SVOP: variants seen among roughly 807,000 people sequenced by gnomAD.
SVOP encodes the protein synaptic vesicle 2-related protein.
SVOP carries 17 observed loss-of-function variants against 69.1 expected under a neutral mutation model. The ratio of observed to expected loss-of-function variants is 0.25; its 90% CI spans 0.17 to 0.37. The LOEUF is 0.37. Ranked by LOEUF, SVOP falls within the 10% of genes least tolerant of loss-of-function variation. The pLI is 1.00. For synonymous variants in SVOP, 238 were observed against 238.6 expected, an observed-to-expected ratio of 1.00 and a Z score of 0.02; for missense variants, 435 against 597.5, an observed-to-expected ratio of 0.73 and a Z score of 2.84.
chr12:108,956,932 G>T (rs2039988774), intron 6 of SVOP, among the ~76,000 whole-genome samples: 1 of 152,190 alleles, frequency 6.6e-6, no homozygotes, highest in Non-Finnish European at 1.5e-5. Context: ...TGTCCTCCAG[G>T]ACACAATACC....
intron 1 of SVOP, among the ~76,000 whole-genome samples, chr12:109,008,076 AGGCTG>A (rs2135628431): frequency 6.6e-6 from 1 of 152,160 alleles, no homozygotes; most frequent in Admixed American, 6.5e-5. Context: ...AACTAAGCTG[AGGCTG>A]GAGAGGTTAC....
Position 108,914,128 on chromosome 12 carries a change from T to A in SVOP, c.1441-1387A>T, listed in dbSNP as rs569077912. On this transcript the variant is annotated intron_variant, in intron 15 of 15. Transcript: ENST00000610966. ...CACTTGGCTAAACACGTCTTTAAATTCCATTTCTCTGCAATATTCAGACTT... is the reference window on the plus strand; with the variant it reads ...CACTTGGCTAAACACGTCTTTAAATACCATTTCTCTGCAATATTCAGACTT... 3.3e-5 allele frequency among the ~76,000 whole-genome samples: 5 copies of A among 152,304 alleles called. No individual in the cohort carries two copies. The East Asian group carries it at 9.6e-4, about 29-fold the overall frequency.
intron 1 of SVOP, among the ~76,000 whole-genome samples, chr12:108,991,919 T>C (rs150144697): frequency 0.037 from 5,641 of 152,138 alleles, 648 homozygotes; most frequent in Admixed American, 0.22. Flanking sequence ...GCACCTAGCC[T>C]GGACAACAGA....
intron 1 of SVOP, among the ~76,000 whole-genome samples, chr12:109,010,707 T>C (rs1426495458): frequency 6.6e-6 from 1 of 152,048 alleles, no homozygotes; most frequent in African/African-American, 2.4e-5. Context: ...CTTGCTATGT[T>C]GCCCAGGCTG....
intron 14 of SVOP, among the ~76,000 whole-genome samples, chr12:108,917,636 C>T (rs549577220): frequency 2.0e-5 from 3 of 148,606 alleles, no homozygotes; most frequent in Middle Eastern, 3.4e-3. Flanking sequence ...ACATAGACAT[C>T]CACCTCATTC....
chr12:108,945,339 T>C (rs1219615741), intron 6 of SVOP, among the ~76,000 whole-genome samples, 173 bp from the exon 7 acceptor site: 1 of 152,154 alleles, frequency 6.6e-6, no homozygotes, highest in African/African-American at 2.4e-5. Flanking sequence ...CTCCCTCCCT[T>C]CCTAGACCTT....
rs1337329072 is a variant in SVOP at position 108,909,210 on chromosome 12, A to G, written c.*3325T>C. On this transcript the variant is annotated 3_prime_UTR_variant, in exon 16 of 16. Transcript: ENST00000610966. ...CTGATCTCTGCCTGGTTTTGGTTCTAATGGTTTAAGCCACTATTGACTGAG... is the reference window on the plus strand; with the variant it reads ...CTGATCTCTGCCTGGTTTTGGTTCTGATGGTTTAAGCCACTATTGACTGAG... 2.6e-5 allele frequency: 4 copies of G among 152,136 alleles called. No individual in the cohort carries two copies. The highest frequency in any genetic ancestry group is 5.9e-5 in the Non-Finnish European group (4 of 68,034). 9.4% of individuals were successfully genotyped at this position (152,136 alleles called of 1,614,324 possible).
intron 7 of SVOP, among the ~76,000 whole-genome samples, chr12:108,944,146 A>G (rs1163141867): frequency 6.7e-6 from 1 of 149,792 alleles, no homozygotes; most frequent in Admixed American, 6.7e-5. Context: ...CTCCCAAAGT[A>G]CGGGATTATG....
At chr12:108,981,356 C>T (rs942292452) in intron 2 of SVOP, among the ~76,000 whole-genome samples, 4 of 152,164 alleles carry the variant, frequency 2.6e-5, no homozygotes, top group Non-Finnish European at 5.9e-5. Flanking sequence ...CCTCAGCTTC[C>T]CTCCATCCCC....
chr12:109,003,087 C>T (rs1334921016), intron 1 of SVOP, among the ~76,000 whole-genome samples: 1 of 152,200 alleles, frequency 6.6e-6, no homozygotes, highest in Non-Finnish European at 1.5e-5. Context: ...TTTAACCAGT[C>T]TCCAGGCAGT....
intron 13 of SVOP, 116 bp from the exon 14 acceptor site, chr12:108,918,240 C>T (rs922203029): frequency 2.1e-5 from 14 of 675,482 alleles, no homozygotes; most frequent in Middle Eastern, 2.5e-4. Context: ...TACCCCTCCC[C>T]GATGCTCATT....
rs767653442 is a variant in SVOP, at chr12:108,912,592, G to A, written c.1590C>T (p.Val530=). The A allele has an allele frequency of 1.2e-5, 19 of 1,613,714 alleles. No individual in the cohort carries two copies. Among genetic ancestry groups the A allele is most frequent in the Admixed American group, 3.3e-5 (2 of 59,998 alleles). ...CACCTGCACCGTGCATTCCTCGGCCGACCATCTCCTGGCCCCACTCCCGGT... is the reference window on the plus strand; with the variant it reads ...CACCTGCACCGTGCATTCCTCGGCCAACCATCTCCTGGCCCCACTCCCGGT... ...SSHREWGQEM[V]GRGMHGAGVT... The change falls in exon 16 of 16, where the codon GTC becomes GTT. Residue 530 remains valine (V), a synonymous_variant. Transcript: ENST00000610966.
At chr12:108,930,910 G>A (rs759700514) in intron 11 of SVOP, among the ~76,000 whole-genome samples, 4 of 152,192 alleles carry the variant, frequency 2.6e-5, no homozygotes, top group African/African-American at 4.8e-5. Flanking sequence ...ACAATATGCC[G>A]TCCACTGTTG....
At chr12:108,967,802 A>G (rs1006744702) in intron 5 of SVOP, among the ~76,000 whole-genome samples, 8 of 152,306 alleles carry the variant, frequency 5.3e-5, no homozygotes, top group Non-Finnish European at 7.4e-5. Flanking sequence ...GTCTCTAGAC[A>G]TTGCCAAGTG....
At chr12:109,010,170 A>G (rs1391489273) in intron 1 of SVOP, among the ~76,000 whole-genome samples, 1 of 151,870 alleles carries the variant, frequency 6.6e-6, no homozygotes, top group Non-Finnish European at 1.5e-5. Flanking sequence ...TAAATAAGTT[A>G]ATAAATACAC....
chr12:108,991,944 CTAAAGAAA>C (rs1049526449), intron 1 of SVOP, among the ~76,000 whole-genome samples: 5 of 151,930 alleles, frequency 3.3e-5, no homozygotes, highest in Non-Finnish European at 5.9e-5. Context: ...GATCCTGACT[CTAAAGAAA>C]TAAAGAAATA....
At chr12:108,965,877 A>G (rs1323753725) in intron 5 of SVOP, among the ~76,000 whole-genome samples, 3 of 152,000 alleles carry the variant, frequency 2.0e-5, no homozygotes, top group Non-Finnish European at 2.9e-5. Flanking sequence ...CTAGATAGTG[A>G]CCGCTCCATA....
At chr12:108,948,707 G>T (rs147195107) in intron 6 of SVOP, among the ~76,000 whole-genome samples, 115 of 152,226 alleles carry the variant, frequency 7.6e-4, no homozygotes, top group African/African-American at 2.3e-3. Flanking sequence ...CTGTTTTTAT[G>T]ATTTGAGATA....
rs764468094 is a variant in SVOP, at chr12:109,017,782, G to T, written c.35+3052C>A. Among the ~76,000 whole-genome samples, 5 of 152,104 alleles carry T rather than the reference G, an allele frequency of 3.3e-5. No individual in the cohort carries two copies. In the East Asian group the frequency reaches 9.6e-4, roughly 29 times the overall value. On this transcript the variant is annotated intron_variant, in intron 1 of 15. Transcript: ENST00000610966. ...TTGTCTCGAACTGCTGACCTCAAAT[G>T]ATCCACCCACCTCGGTCTCCCAAAG...
Sources: gnomAD v4.1 joint callset for allele counts (sites outside exome capture counted in the v4.1 genomes callset) on GRCh38, gnomAD v4.1.1 for gene constraint, MANE v1.5 for transcripts, NCBI Gene and HGNC (gene_info 2026-07-23, HGNC 2026-07-21) for gene names.